Variants in GRM8 observed in about 807,000 individuals in gnomAD.
GRM8 encodes the protein metabotropic glutamate receptor 8.
GRM8 carries 47 observed loss-of-function variants against 87.2 expected under a neutral mutation model. That is an observed-to-expected ratio of 0.54 (90% CI 0.43 to 0.69). The LOEUF is 0.69. Ranked by LOEUF, GRM8 falls within the 30% of genes least tolerant of loss-of-function variation. The pLI, the probability that GRM8 is intolerant of heterozygous loss-of-function variation, is 0.00. For missense variants in GRM8, 1,019 were observed against 1,139.2 expected (o/e 0.89, Z 1.52); for synonymous variants, 396 against 404.5 (o/e 0.98, Z 0.25).
chr7:127,019,576 C>A (rs1306336732), intron 3 of GRM8, among the ~76,000 whole-genome samples: 2 of 151,996 alleles, frequency 1.3e-5, no homozygotes, highest in African/African-American at 4.8e-5. Flanking sequence ...TTTGTCATGA[C>A]ACTGCCATTT....
At chr7:126,701,220 G>A (rs566889861) in intron 7 of GRM8, among the ~76,000 whole-genome samples, 2 of 152,186 alleles carry the variant, frequency 1.3e-5, no homozygotes, top group African/African-American at 2.4e-5. Flanking sequence ...CTGCAGGCCC[G>A]GAAGGTTGGG....
chr7:127,007,199 C>A (rs1355220279), intron 3 of GRM8, among the ~76,000 whole-genome samples: 1 of 151,850 alleles, frequency 6.6e-6, no homozygotes, highest in Non-Finnish European at 1.5e-5. Context: ...AAAATTAATA[C>A]AAATTGCTGG....
At chr7:126,707,469 T>C (rs1400608901) in intron 7 of GRM8, among the ~76,000 whole-genome samples, 1 of 152,090 alleles carries the variant, frequency 6.6e-6, no homozygotes, top group Non-Finnish European at 1.5e-5. Flanking sequence ...TGTATAGTAT[T>C]AGACAATGCT....
intron 8 of GRM8, among the ~76,000 whole-genome samples, chr7:126,591,356 C>A (rs559133511): frequency 1.8e-4 from 27 of 152,150 alleles, no homozygotes; most frequent in Non-Finnish European, 2.8e-4. Context: ...ACACCTAACA[C>A]TGGAGCTTCC....
intron 3 of GRM8, among the ~76,000 whole-genome samples, chr7:127,019,276 A>G (rs1319669057): frequency 6.6e-6 from 1 of 152,110 alleles, no homozygotes; most frequent in Non-Finnish European, 1.5e-5. Flanking sequence ...ATATTTAAAG[A>G]CACAGTTGTC....
intron 3 of GRM8, among the ~76,000 whole-genome samples, chr7:127,085,610 T>C (rs1276669665): frequency 6.6e-6 from 1 of 152,240 alleles, no homozygotes; most frequent in Admixed American, 6.5e-5. Context: ...AATGTGTTCT[T>C]TTGAGAAGTG....
intron 3 of GRM8, among the ~76,000 whole-genome samples, chr7:126,950,714 A>G (rs1808049789): frequency 6.6e-6 from 1 of 152,142 alleles, no homozygotes; most frequent in Non-Finnish European, 1.5e-5. Flanking sequence ...CTGTAACCCT[A>G]TGAGGTAGGT....
At chr7:126,440,498 G>A (rs964930280) in intron 10 of GRM8, among the ~76,000 whole-genome samples, 7 of 151,200 alleles carry the variant, frequency 4.6e-5, no homozygotes, top group African/African-American at 7.3e-5. Context: ...TAAAGATCCA[G>A]GGCAACTTCT....
At chr7:126,727,565 G>A (rs918158340) in intron 7 of GRM8, among the ~76,000 whole-genome samples, 2 of 151,906 alleles carry the variant, frequency 1.3e-5, no homozygotes, top group Non-Finnish European at 2.9e-5. Context: ...AACATAAAAG[G>A]AAATACCTCA....
intron 2 of GRM8, among the ~76,000 whole-genome samples, chr7:127,158,171 T>G (rs1460315652): frequency 6.6e-6 from 1 of 152,174 alleles, no homozygotes; most frequent in African/African-American, 2.4e-5. Flanking sequence ...CTAATAGTCC[T>G]AAAATTGCTG....
At chr7:126,662,414 C>G (rs1585419193) in intron 7 of GRM8, among the ~76,000 whole-genome samples, 1 of 152,018 alleles carries the variant, frequency 6.6e-6, no homozygotes, top group East Asian at 1.9e-4. Context: ...AAAAAAAAGT[C>G]CTAATAAAGG....
chr7:126,611,241 TCAG>T (rs1186521571), intron 7 of GRM8, among the ~76,000 whole-genome samples: 1 of 152,182 alleles, frequency 6.6e-6, no homozygotes, highest in Non-Finnish European at 1.5e-5. Flanking sequence ...AAAACCTTTC[TCAG>T]CTCCTAGTGA....
intron 3 of GRM8, among the ~76,000 whole-genome samples, chr7:127,041,405 G>A (rs1818418041): frequency 6.6e-6 from 1 of 152,200 alleles, no homozygotes; most frequent in Non-Finnish European, 1.5e-5. Context: ...AAATTTATCA[G>A]TGTCTTCCTT....
intron 6 of GRM8, among the ~76,000 whole-genome samples, chr7:126,872,125 T>C (rs1211359021): frequency 1.3e-5 from 2 of 152,156 alleles, no homozygotes; most frequent in Non-Finnish European, 2.9e-5. Context: ...CTGCTCTTGA[T>C]CTTTGCATGT....
chr7:127,049,622 T>A (rs1819268037), intron 3 of GRM8, among the ~76,000 whole-genome samples: 1 of 152,146 alleles, frequency 6.6e-6, no homozygotes, highest in South Asian at 2.1e-4. Flanking sequence ...TCATTAAGCT[T>A]ATAGCCTAGT....
chr7:126,688,739 G>GACACACACACACACACAC (rs3831573), intron 7 of GRM8, among the ~76,000 whole-genome samples: 2,833 of 145,706 alleles, frequency 0.019, 94 homozygotes, highest in African/African-American at 0.068. Flanking sequence ...CTCTCTTTCT[G>GACACACACACACACACAC]ACACACACAC....
intron 7 of GRM8, among the ~76,000 whole-genome samples, chr7:126,661,053 T>TA (rs572103837): frequency 7.9e-4 from 120 of 152,172 alleles, no homozygotes; most frequent in African/African-American, 2.7e-3. Flanking sequence ...GTTAATGGGT[T>TA]AAAAAAATAG....
At position 126,886,158 on chromosome 7, in the gene GRM8, T is replaced by C. The variant is rs543624309; in HGVS notation, c.1156+16384A>G. On this transcript the variant is annotated intron_variant, in intron 6 of 10. Coordinates refer to ENST00000339582, the MANE Select transcript of GRM8 (RefSeq NM_000845.3). Reference sequence around the variant, plus strand: ...ATAGAGATATTGAAGATAGGGGTCATTTTACATACTAACATGCACTGAAAA... The same window carrying C: ...ATAGAGATATTGAAGATAGGGGTCACTTTACATACTAACATGCACTGAAAA... 5.3e-5 allele frequency among the ~76,000 whole-genome samples: 8 copies of C among 152,212 alleles called. No individual in the cohort carries two copies. In the South Asian group the frequency reaches 1.4e-3, roughly 28 times the overall value.
chr7:126,598,233 T>A (rs1797402964), intron 8 of GRM8, among the ~76,000 whole-genome samples: 1 of 146,494 alleles, frequency 6.8e-6, no homozygotes, highest in Admixed American at 6.8e-5. Flanking sequence ...CTATTTTTTT[T>A]ATAATGATAG....
Sources: allele counts gnomAD v4.1 joint callset (sites outside exome capture counted in the v4.1 genomes callset), GRCh38; gene constraint gnomAD v4.1.1; transcripts MANE v1.5; gene names NCBI Gene and HGNC (gene_info 2026-07-23, HGNC 2026-07-21).